The following CCDC91 variants were observed in gnomAD, a reference collection of about 807,000 sequenced individuals.
CCDC91 encodes coiled-coil domain-containing protein 91.
CCDC91 carries 48 observed loss-of-function variants against 63.2 expected under a neutral mutation model. The ratio of observed to expected loss-of-function variants is 0.76; its 90% CI spans 0.60 to 0.97. CCDC91 has a LOEUF of 0.97. CCDC91 is among the 50% of genes least tolerant of loss of function. The pLI is 0.00. For missense variants in CCDC91, 500 were observed against 494.6 expected, an observed-to-expected ratio of 1.01 and a Z score of -0.10; for synonymous variants, 167 against 165.8, an observed-to-expected ratio of 1.01 and a Z score of -0.06.
chr12:28,327,915 C>G (rs1398358247), intron 6 of CCDC91, among the ~76,000 whole-genome samples: 1 of 152,042 alleles, frequency 6.6e-6, no homozygotes, highest in Admixed American at 6.6e-5. Context: ...CATCCTGTTT[C>G]CTAAAGATAA....
At chr12:28,328,193 T>C (rs1185826914) in intron 6 of CCDC91, among the ~76,000 whole-genome samples, 4 of 152,130 alleles carry the variant, frequency 2.6e-5, no homozygotes, top group Non-Finnish European at 5.9e-5. Context: ...TAGAGAAAGG[T>C]ATTTGAACTA....
intron 3 of CCDC91, among the ~76,000 whole-genome samples, chr12:28,299,036 C>T (rs765117338): frequency 6.7e-4 from 101 of 151,460 alleles, no homozygotes; most frequent in Non-Finnish European, 1.2e-3. Flanking sequence ...TGGAAACTTT[C>T]TGATATATAT....
At chr12:28,410,409 G>A (rs1429326833) in intron 8 of CCDC91, among the ~76,000 whole-genome samples, 1 of 151,998 alleles carries the variant, frequency 6.6e-6, no homozygotes, top group Non-Finnish European at 1.5e-5. Flanking sequence ...TAATATATTG[G>A]TTTATGTTTC....
chr12:28,426,312 G>A (rs1451908042), intron 8 of CCDC91, among the ~76,000 whole-genome samples: 1 of 152,032 alleles, frequency 6.6e-6, no homozygotes, highest in Non-Finnish European at 1.5e-5. Flanking sequence ...TTTATGCTGC[G>A]GTAGTGTTCC....
intron 11 of CCDC91, among the ~76,000 whole-genome samples, chr12:28,466,425 T>C (rs767469333): frequency 3.9e-5 from 6 of 152,074 alleles, no homozygotes; most frequent in Admixed American, 6.6e-5. Context: ...ATAATCCAAT[T>C]CCCAAAGATC....
At chr12:28,435,293 G>A (rs895411987) in intron 8 of CCDC91, among the ~76,000 whole-genome samples, 1 of 151,386 alleles carries the variant, frequency 6.6e-6, no homozygotes, top group Non-Finnish European at 1.5e-5. Context: ...CACAAATTTT[G>A]ATAAATTGCG....
chr12:28,290,940 C>T (rs1459473684), intron 3 of CCDC91, among the ~76,000 whole-genome samples: 1 of 152,036 alleles, frequency 6.6e-6, no homozygotes, highest in Admixed American at 6.6e-5. Context: ...TTTTACTGTA[C>T]TCTTATGGCA....
At chr12:28,532,776 T>G (rs1452627903) in intron 12 of CCDC91, among the ~76,000 whole-genome samples, 3 of 152,094 alleles carry the variant, frequency 2.0e-5, no homozygotes, top group Admixed American at 2.0e-4. Context: ...CAAGACCTAG[T>G]ATTTGAAGAC....
intron 1 of CCDC91, among the ~76,000 whole-genome samples, chr12:28,254,712 T>C (rs1486657209): frequency 2.0e-5 from 3 of 151,864 alleles, no homozygotes; most frequent in Non-Finnish European, 2.9e-5. Flanking sequence ...ACTTGGGACA[T>C]AATTTGTTTT....
intron 8 of CCDC91, among the ~76,000 whole-genome samples, chr12:28,410,505 G>A (rs990585078): frequency 6.6e-6 from 1 of 151,768 alleles, no homozygotes; most frequent in Non-Finnish European, 1.5e-5. Flanking sequence ...GTGTGTATGT[G>A]TTTTTTGTTT....
chr12:28,330,395 T>C (rs1941399967), intron 6 of CCDC91, among the ~76,000 whole-genome samples: 1 of 152,194 alleles, frequency 6.6e-6, no homozygotes, highest in Admixed American at 6.5e-5. Context: ...CATGTGTCTG[T>C]TGGCTGCATA....
intron 1 of CCDC91, among the ~76,000 whole-genome samples, chr12:28,238,305 A>G (rs1485572330): frequency 6.6e-6 from 1 of 152,176 alleles, no homozygotes; most frequent in Non-Finnish European, 1.5e-5. Flanking sequence ...AACATATTAA[A>G]AGATGTTCTA....
intron 11 of CCDC91, among the ~76,000 whole-genome samples, chr12:28,454,568 AG>A (rs1277111808): frequency 6.6e-6 from 1 of 152,124 alleles, no homozygotes; most frequent in Non-Finnish European, 1.5e-5. Context: ...TGGGCAGGAG[AG>A]TAGGCTATAA....
chr12:28,304,794 A>G lies in CCDC91; in HGVS notation c.110-855A>G, dbSNP rs1592256764. On this transcript the variant is annotated intron_variant, in intron 3 of 12. Coordinates refer to ENST00000536442, the MANE Select transcript of CCDC91 (RefSeq NM_018318.5). ...CTTTCCTTAAATTTTAAAATACATA[A>G]TACAAACTTATTTGAATTTTTAGAA... 7.5e-6 allele frequency: 3 copies of G among 401,292 alleles called. No homozygotes were observed. The East Asian group carries it at 2.3e-4, about 31-fold the overall frequency. 24.9% of individuals were successfully genotyped at this position (401,292 alleles called of 1,614,324 possible). A position where few individuals can be genotyped will look rare whatever the true frequency, so the allele number is the denominator to read the frequency against.
intron 12 of CCDC91, among the ~76,000 whole-genome samples, chr12:28,491,383 T>C (rs2141000065): frequency 6.6e-6 from 1 of 151,910 alleles, no homozygotes; most frequent in Admixed American, 6.6e-5. Flanking sequence ...TAAAGCCTTA[T>C]TTTGGAAGGA....
intron 12 of CCDC91, among the ~76,000 whole-genome samples, chr12:28,510,577 T>C (rs1025656737): frequency 1.1e-4 from 16 of 151,918 alleles, no homozygotes; most frequent in African/African-American, 3.4e-4. Context: ...CAGTCTGCTT[T>C]ACTCAGTCTA....
intron 12 of CCDC91, among the ~76,000 whole-genome samples, chr12:28,510,237 A>ATGTGTGTGTGTGTGTGTGTGTTTG: frequency 6.7e-6 from 1 of 149,028 alleles, no homozygotes; most frequent in Non-Finnish European, 1.5e-5. Flanking sequence ...TCAATAGGGC[A>ATGTGTGTGTGTGTGTGTGTGTTTG]TGTGTGTGTG....
At chr12:28,279,406 A>C (rs1244567725) in intron 3 of CCDC91, among the ~76,000 whole-genome samples, 1 of 152,146 alleles carries the variant, frequency 6.6e-6, no homozygotes, top group South Asian at 2.1e-4. Flanking sequence ...AGAGAAGTTC[A>C]TAACTTCTTT....
intron 8 of CCDC91, among the ~76,000 whole-genome samples, chr12:28,403,133 G>A (rs1946740050): frequency 6.6e-6 from 1 of 152,120 alleles, no homozygotes; most frequent in Admixed American, 6.6e-5. Flanking sequence ...GTCTGGTTTT[G>A]ACATTAGGGT....
Sources: allele counts gnomAD v4.1 joint callset (sites outside exome capture counted in the v4.1 genomes callset), GRCh38; gene constraint gnomAD v4.1.1; transcripts MANE v1.5; gene names NCBI Gene and HGNC (gene_info 2026-07-23, HGNC 2026-07-21).